Variants in DPH6 observed in about 807,000 individuals in gnomAD.
The protein encoded by DPH6 is diphthamine biosynthesis 6.
Under a neutral mutation model 38.2 loss-of-function variants are expected in DPH6, and 33 were observed. That is an observed-to-expected ratio of 0.86 (90% CI 0.65 to 1.15). The LOEUF (loss-of-function observed/expected upper bound fraction) is 1.15. Among genes scored for constraint, DPH6 ranks in the 50% most tolerant of loss-of-function variants. The pLI is 0.00. For synonymous variants in DPH6, 108 were observed against 103.0 expected (o/e 1.05, Z -0.30); for missense variants, 325 against 320.0 (o/e 1.02, Z -0.12).
At chr15:35,184,571 A>G in the DPH6 span, among the ~76,000 whole-genome samples, 4 of 152,186 alleles carry the variant, frequency 2.6e-5, no homozygotes, top group South Asian at 8.3e-4. Flanking sequence ...CCTATATACT[A>G]AGGTTGATTG....
chr15:35,393,925 T>A (rs1418142939), intron 6 of DPH6, among the ~76,000 whole-genome samples: 1 of 152,102 alleles, frequency 6.6e-6, no homozygotes, highest in Non-Finnish European at 1.5e-5. Flanking sequence ...GAGAACTTAG[T>A]ATGAGTAGTA....
intron 5 of DPH6, among the ~76,000 whole-genome samples, chr15:35,440,637 G>A (rs532646810): frequency 1.3e-5 from 2 of 152,284 alleles, no homozygotes; most frequent in South Asian, 4.1e-4. Context: ...TTTAGAAGGG[G>A]GAATGATAGA....
Position 35,450,675 on chromosome 15 carries a change from G to A in DPH6, c.505+10C>T. ...CAACAAACAGCTCCCTTGATAGTTT[G>A]GCTGCATACCCAAAGCTGCTACTTT... On this transcript the variant is annotated intron_variant, in intron 5 of 8. Transcript: ENST00000256538. 1.2e-6 allele frequency: 2 copies of A among 1,604,672 alleles called. No homozygotes were observed. The highest frequency in any genetic ancestry group is 1.7e-6 in the Non-Finnish European group (2 of 1,172,534).
chr15:35,304,956 T>C (rs552485192), intron 3 of DPH6, among the ~76,000 whole-genome samples: 2 of 152,090 alleles, frequency 1.3e-5, no homozygotes, highest in Non-Finnish European at 2.9e-5. Flanking sequence ...GAATTGAAAA[T>C]ATAGACAACT....
intron 7 of DPH6, among the ~76,000 whole-genome samples, chr15:35,374,402 T>C (rs1162959619): frequency 2.0e-5 from 3 of 152,250 alleles, no homozygotes; most frequent in African/African-American, 4.8e-5. Flanking sequence ...TTGACCATTG[T>C]AGTACAGTAA....
intron 3 of DPH6, among the ~76,000 whole-genome samples, chr15:35,353,832 T>C (rs1268352334): frequency 1.3e-5 from 2 of 152,220 alleles, no homozygotes; most frequent in Admixed American, 1.3e-4. Flanking sequence ...CATTGGTAGC[T>C]TGATGGGGAT....
intron 3 of DPH6, chr15:35,489,777 G>C (rs929761168): frequency 6.9e-5 from 68 of 983,000 alleles, no homozygotes; most frequent in Non-Finnish European, 8.1e-5. Flanking sequence ...TAGGAGGATA[G>C]AGAACAAAAT....
intron 3 of DPH6, among the ~76,000 whole-genome samples, chr15:35,478,324 A>T (rs1446488164): frequency 6.6e-6 from 1 of 151,048 alleles, no homozygotes; most frequent in African/African-American, 2.4e-5. Context: ...AAATGTAAAG[A>T]AAACACTAGG....
chr15:35,296,423 T>C lies in DPH6; in HGVS notation n.201-75841A>G, dbSNP rs1357064135. Among the ~76,000 whole-genome samples the C allele has an allele frequency of 3.9e-5, 6 of 152,280 alleles. No homozygotes were observed. In the East Asian group the frequency reaches 1.2e-3, roughly 29 times the overall value. ...TTATATCTCTTTCAGACCTCCAATT[T>C]ATTGACCCTACCACTTTTTACTATA... On this transcript the variant is annotated intron_variant and non_coding_transcript_variant, in intron 3 of 3. Transcript: ENST00000560386.
At chr15:35,330,104 A>C (rs1163020668), downstream of DPH6, among the ~76,000 whole-genome samples, 1 of 152,150 alleles carries the variant, frequency 6.6e-6, no homozygotes, top group African/African-American at 2.4e-5. Flanking sequence ...TTTCTACTTG[A>C]TTTCCAGGCA....
chr15:35,369,952 C>T (rs2052696280), downstream of DPH6, among the ~76,000 whole-genome samples: 2 of 151,762 alleles, frequency 1.3e-5, no homozygotes, highest in Non-Finnish European at 1.5e-5. Context: ...AAGACAAACA[C>T]TATCTGACTT....
At chr15:35,544,578 A>C (rs1025588451) in intron 1 of DPH6, among the ~76,000 whole-genome samples, 2 of 152,214 alleles carry the variant, frequency 1.3e-5, no homozygotes, top group Non-Finnish European at 2.9e-5. Flanking sequence ...ATTCACTTAT[A>C]ATACATAATT....
At chr15:35,202,997 G>C in the DPH6 span, among the ~76,000 whole-genome samples, 3 of 151,812 alleles carry the variant, frequency 2.0e-5, no homozygotes, top group East Asian at 5.8e-4. Context: ...GATTGCTTCA[G>C]GGAAAAAGAA....
chr15:35,393,014 G>A (rs921500519), intron 6 of DPH6, among the ~76,000 whole-genome samples: 1 of 152,196 alleles, frequency 6.6e-6, no homozygotes, highest in Non-Finnish European at 1.5e-5. Context: ...GTCTTACACG[G>A]CTTCATAAGC....
Position 35,235,133 on chromosome 15 carries a change from C to T in DPH6, n.201-14551G>A, listed in dbSNP as rs141375831. Among the ~76,000 whole-genome samples, 525 of 152,342 alleles carry T rather than the reference C, an allele frequency of 3.4e-3. 3 individuals carry two copies. Among genetic ancestry groups the T allele is most frequent in the African/African-American group, 0.012 (501 of 41,584 alleles). On this transcript the variant is annotated intron_variant and non_coding_transcript_variant, in intron 3 of 3. Transcript: ENST00000560386. ...CCCTTTTACCATTTCCGGGCATTCA[C>T]TTCCCTTTGGTATAACAGCCACACT... is the stretch of plus-strand genomic sequence containing the variant.
chr15:35,361,512 CT>C (rs61674855), intron 3 of DPH6, among the ~76,000 whole-genome samples: 53,675 of 147,296 alleles, frequency 0.36, 11,281 homozygotes, highest in African/African-American at 0.6. Context: ...AATAACCTCT[CT>C]TTTTTTTTTT....
At chr15:35,501,697 C>G (rs2054630142) in intron 3 of DPH6, among the ~76,000 whole-genome samples, 1 of 152,072 alleles carries the variant, frequency 6.6e-6, no homozygotes, top group Admixed American at 6.6e-5. Context: ...CATTAAGAAA[C>G]TTCAGAAACT....
intron 3 of DPH6, among the ~76,000 whole-genome samples, chr15:35,343,917 A>G (rs575007251): frequency 6.6e-6 from 1 of 152,138 alleles, no homozygotes; most frequent in South Asian, 2.1e-4. Context: ...TAGGAAAAAA[A>G]TGAGGAAGGC....
At chr15:35,387,789 C>T (rs1211141212) in intron 6 of DPH6, among the ~76,000 whole-genome samples, 7 of 152,258 alleles carry the variant, frequency 4.6e-5, no homozygotes, top group African/African-American at 1.2e-4. Flanking sequence ...CATCTGCAAA[C>T]AGGGACAATT....
Sources: allele counts gnomAD v4.1 joint callset (sites outside exome capture counted in the v4.1 genomes callset), GRCh38; gene constraint gnomAD v4.1.1; transcripts MANE v1.5; gene names NCBI Gene and HGNC (gene_info 2026-07-23, HGNC 2026-07-21).